Variants in KIDINS220 observed in about 807,000 individuals in gnomAD.
KIDINS220 encodes the protein kinase D-interacting substrate of 220 kDa.
A neutral mutation model predicts 157.6 loss-of-function variants in KIDINS220; 63 were observed. That is an observed-to-expected ratio of 0.40 (90% CI 0.33 to 0.49). KIDINS220 has a LOEUF of 0.49. Among genes scored for constraint, KIDINS220 ranks in the 20% least tolerant of loss-of-function variants. The probability of loss-of-function intolerance (pLI) is 0.66; values close to 1 mark genes in which losing one functional copy is unlikely to be tolerated. For synonymous variants in KIDINS220, 732 were observed against 783.6 expected, an observed-to-expected ratio of 0.93 and a Z score of 1.10; for missense variants, 1,772 against 2,171.2, an observed-to-expected ratio of 0.82 and a Z score of 3.65.
At chr2:8,813,988 CTTCT>C (rs1572769245) in intron 4 of KIDINS220, among the ~76,000 whole-genome samples, 1 of 152,170 alleles carries the variant, frequency 6.6e-6, no homozygotes, top group African/African-American at 2.4e-5. Flanking sequence ...TAGATATTCA[CTTCT>C]TTCTATGAAT....
intron 9 of KIDINS220, 63 bp downstream of exon 9, chr2:8,800,337 G>T: frequency 2.0e-6 from 2 of 1,013,396 alleles, no homozygotes; most frequent in South Asian, 1.6e-5. Context: ...ATAACATTAT[G>T]ATCAGTCAAC....
chr2:8,801,263 G>A (rs921780913), intron 8 of KIDINS220, among the ~76,000 whole-genome samples: 3 of 152,188 alleles, frequency 2.0e-5, no homozygotes, highest in African/African-American at 7.2e-5. Context: ...CCCATGGGCT[G>A]CAGCTCAATT....
chr2:8,759,524 T>C (rs1203049160), intron 22 of KIDINS220, among the ~76,000 whole-genome samples: 2 of 150,090 alleles, frequency 1.3e-5, no homozygotes, highest in African/African-American at 2.5e-5. Context: ...CTCAGTAGAA[T>C]GTCATCATAT....
At chr2:8,766,695 T>C (rs979851456) in intron 22 of KIDINS220, among the ~76,000 whole-genome samples, 8 of 152,162 alleles carry the variant, frequency 5.3e-5, no homozygotes, top group African/African-American at 1.7e-4. Flanking sequence ...TCTTTGGATG[T>C]TGCTGGAAAT....
At position 8,731,117 on chromosome 2, in the gene KIDINS220, A is replaced by G. The variant is rs1403455578; in HGVS notation, c.4919T>C (p.Ile1640Thr). The G allele has an allele frequency of 2.3e-5, 37 of 1,614,060 alleles. No individual in the cohort carries two copies. The highest frequency in any genetic ancestry group is 3.0e-5 in the Non-Finnish European group (35 of 1,180,032). Residue 1640 changes from isoleucine to threonine, a missense_variant, in exon 30 of 30, where the codon ATA becomes ACA. Coordinates refer to ENST00000256707, the MANE Select transcript of KIDINS220 (RefSeq NM_020738.4). The surrounding 1 kb of genome is among the most constrained non-coding windows in gnomAD (Gnocchi z 5.2). ...HSLSGLQDPI[I>T]ARMSICSEDK... ...TTCTGAACAAATGGACATCCGAGCT[A>G]TAATTGGATCTTGCAGGCCACTCAG...
At position 8,766,480 on chromosome 2, in the gene KIDINS220, C is replaced by T. The variant is rs146315616; in HGVS notation, c.3011+4190G>A. 3.9e-4 allele frequency among the ~76,000 whole-genome samples: 59 copies of T among 152,306 alleles called. 1 individual carries two copies. In the East Asian group the frequency reaches 0.011, roughly 29 times the overall value. ...TTTCCACCACACTTGCTGCCTTTAA[C>T]ATGCTAATTATGTATTATATATGTT... On this transcript the variant is annotated intron_variant, in intron 22 of 29. Transcript: ENST00000256707.
intron 22 of KIDINS220, among the ~76,000 whole-genome samples, chr2:8,767,214 C>T (rs1669598198): frequency 2.0e-5 from 3 of 151,870 alleles, no homozygotes; most frequent in Admixed American, 6.6e-5. Flanking sequence ...TGAACCTCTG[C>T]GGTCAAAGCA....
Position 8,770,837 on chromosome 2 carries a change from T to A in KIDINS220, c.2849-5A>T. ...GATTGGCTCTCAGTAATCGTCCTTTTAAAAAATACAAAAGCATTTAAAAAT... is the reference window on the plus strand; with the variant it reads ...GATTGGCTCTCAGTAATCGTCCTTTAAAAAAATACAAAAGCATTTAAAAAT... On this transcript the variant is annotated splice_region_variant and splice_polypyrimidine_tract_variant and intron_variant, in intron 21 of 29. Coordinates refer to ENST00000256707, the MANE Select transcript of KIDINS220 (RefSeq NM_020738.4). The A allele has an allele frequency of 1.9e-6, 3 of 1,573,230 alleles. No individual in the cohort carries two copies. The highest frequency in any genetic ancestry group is 2.6e-6 in the Non-Finnish European group (3 of 1,158,892).
intron 6 of KIDINS220, among the ~76,000 whole-genome samples, chr2:8,810,015 C>T (rs1316365452): frequency 6.6e-6 from 1 of 152,112 alleles, no homozygotes; most frequent in Non-Finnish European, 1.5e-5. Context: ...AGGGTGCACT[C>T]AACACTAGCT....
chr2:8,802,606 G>A (rs1230866851), intron 8 of KIDINS220, among the ~76,000 whole-genome samples: 1 of 152,190 alleles, frequency 6.6e-6, no homozygotes, highest in Non-Finnish European at 1.5e-5. Flanking sequence ...CATTCAAGTG[G>A]AGCGTTCAGG....
chr2:8,806,465 T>A (rs1438232790), intron 6 of KIDINS220, 96 bp from the exon 7 acceptor site: 2 of 748,052 alleles, frequency 2.7e-6, no homozygotes, highest in Non-Finnish European at 4.3e-6. Flanking sequence ...TTACTTTTTA[T>A]CATTCTCATA....
intron 6 of KIDINS220, among the ~76,000 whole-genome samples, chr2:8,810,701 G>T (rs899406286): frequency 6.6e-6 from 1 of 152,052 alleles, no homozygotes; most frequent in East Asian, 1.9e-4. Context: ...CAGGAGAATC[G>T]CTTGAACCCA....
intron 26 of KIDINS220, among the ~76,000 whole-genome samples, chr2:8,744,441 T>G (rs1202014825): frequency 9.3e-6 from 1 of 107,516 alleles, no homozygotes; most frequent in Non-Finnish European, 1.8e-5. Flanking sequence ...TATATATATA[T>G]ATATGGGATC....
intron 27 of KIDINS220, among the ~76,000 whole-genome samples, chr2:8,735,247 C>T (rs531061265): frequency 1.7e-4 from 26 of 152,280 alleles, no homozygotes; most frequent in South Asian, 4.1e-4. Context: ...ATTAAATTCA[C>T]AAGGCCCGGC....
chr2:8,796,660 G>C, intron 11 of KIDINS220, 111 bp downstream of exon 11: 1 of 833,444 alleles, frequency 1.2e-6, no homozygotes. Context: ...TCCCCAGCAA[G>C]TCATCTCTCC....
intron 21 of KIDINS220, among the ~76,000 whole-genome samples, chr2:8,773,423 T>C (rs1670499778): frequency 6.6e-6 from 1 of 152,026 alleles, no homozygotes; most frequent in African/African-American, 2.4e-5. Context: ...ATCCTTCCTA[T>C]GGATTTGGGG....
chr2:8,760,217 G>GT (rs1668575683), intron 22 of KIDINS220, among the ~76,000 whole-genome samples: 1 of 152,298 alleles, frequency 6.6e-6, no homozygotes, highest in Non-Finnish European at 1.5e-5. Context: ...TTTAGTTTCA[G>GT]TTTTTTGCAG....
At chr2:8,755,286 A>C (rs953701580) in intron 22 of KIDINS220, among the ~76,000 whole-genome samples, 2 of 152,246 alleles carry the variant, frequency 1.3e-5, no homozygotes, top group Middle Eastern at 6.8e-3. Context: ...AGACCAACTT[A>C]TGTTCCTTCA....
intron 22 of KIDINS220, among the ~76,000 whole-genome samples, chr2:8,762,064 C>G (rs958970404): frequency 6.6e-6 from 1 of 152,106 alleles, no homozygotes; most frequent in Non-Finnish European, 1.5e-5. Flanking sequence ...ATACATAATG[C>G]TCTTACTATA....
Sources: allele counts gnomAD v4.1 joint callset (sites outside exome capture counted in the v4.1 genomes callset), GRCh38; gene constraint gnomAD v4.1.1; non-coding constraint Gnocchi (gnomAD v3.1); transcripts MANE v1.5; gene names NCBI Gene and HGNC (gene_info 2026-07-23, HGNC 2026-07-21).